Variants in DAB1 observed in about 807,000 individuals in gnomAD.
The protein encoded by DAB1 is disabled homolog 1.
In DAB1, 15 loss-of-function variants were observed where a neutral mutation model predicts 64.6. That is an observed-to-expected ratio of 0.23 (90% CI 0.16 to 0.36). The LOEUF (loss-of-function observed/expected upper bound fraction) is 0.36, where lower values mean the gene tolerates loss of function less well. Among genes scored for constraint, DAB1 ranks in the 10% least tolerant of loss-of-function variants. The pLI, the probability that DAB1 is intolerant of heterozygous loss-of-function variation, is 1.00. For synonymous variants in DAB1, 235 were observed against 251.9 expected (o/e 0.93, Z 0.64); for missense variants, 596 against 706.7 (o/e 0.84, Z 1.78).
intron 2 of DAB1, among the ~76,000 whole-genome samples, chr1:57,285,999 G>C (rs1430949796): frequency 3.3e-5 from 5 of 152,098 alleles, no homozygotes; most frequent in African/African-American, 1.2e-4. Flanking sequence ...TTCTGGAATG[G>C]GCACCATTTG....
intron 6 of DAB1, among the ~76,000 whole-genome samples, chr1:57,702,094 A>C (rs1388086486): frequency 1.3e-5 from 2 of 151,988 alleles, no homozygotes; most frequent in Non-Finnish European, 2.9e-5. Flanking sequence ...GCACTGATGG[A>C]TTAGTTATTT....
At chr1:57,587,240 C>T (rs1292269222) in intron 7 of DAB1, among the ~76,000 whole-genome samples, 1 of 152,196 alleles carries the variant, frequency 6.6e-6, no homozygotes, top group Non-Finnish European at 1.5e-5. Context: ...ATTCTTCCAT[C>T]AGATAATGTC....
intron 2 of DAB1, among the ~76,000 whole-genome samples, chr1:57,157,950 G>C (rs1043362971): frequency 6.6e-6 from 1 of 152,158 alleles, no homozygotes; most frequent in Non-Finnish European, 1.5e-5. Context: ...TGAAGTCATT[G>C]GTGCGAGGCC....
At chr1:58,480,914 T>C (rs772275365) in intron 3 of DAB1, 2 of 765,814 alleles carry the variant, frequency 2.6e-6, no homozygotes, top group South Asian at 3.4e-5. Context: ...TAACATAAAA[T>C]GATAAGGACT....
chr1:57,434,296 T>C (rs1315882965), intron 7 of DAB1, among the ~76,000 whole-genome samples: 1 of 152,198 alleles, frequency 6.6e-6, no homozygotes, highest in Non-Finnish European at 1.5e-5. Flanking sequence ...TGGAATATTA[T>C]TAAGCAAGAA....
intron 5 of DAB1, among the ~76,000 whole-genome samples, chr1:58,063,085 C>A (rs538924015): frequency 6.6e-6 from 1 of 152,318 alleles, no homozygotes; most frequent in East Asian, 1.9e-4. Context: ...TCCTCACTAC[C>A]TGGGGCTCTC....
intron 4 of DAB1, among the ~76,000 whole-genome samples, chr1:58,314,214 A>G (rs1024749375): frequency 6.6e-6 from 1 of 152,068 alleles, no homozygotes. Flanking sequence ...CCTTTGTCTC[A>G]TGCCCATACA....
chr1:57,120,164 T>TC, intron 4 of DAB1, among the ~76,000 whole-genome samples: 1 of 152,314 alleles, frequency 6.6e-6, no homozygotes, highest in East Asian at 1.9e-4. Flanking sequence ...AAAACTGACT[T>TC]CAACATCTAC....
upstream of DAB1, among the ~76,000 whole-genome samples, chr1:57,885,109 AG>A (rs370074583): frequency 2.6e-4 from 39 of 152,366 alleles, no homozygotes; most frequent in East Asian, 4.0e-3. Context: ...GATCAAGGAC[AG>A]AGCTAATCAC....
At chr1:57,203,279 G>A (rs185202627) in intron 2 of DAB1, among the ~76,000 whole-genome samples, 7 of 152,066 alleles carry the variant, frequency 4.6e-5, no homozygotes, top group African/African-American at 1.7e-4. Context: ...CCTCTCACTT[G>A]TCATTTTTCT....
At chr1:57,952,562 G>C (rs1426840807) in intron 5 of DAB1, among the ~76,000 whole-genome samples, 1 of 152,146 alleles carries the variant, frequency 6.6e-6, no homozygotes, top group Non-Finnish European at 1.5e-5. Flanking sequence ...GGGTATTTGA[G>C]AGTAATAGGT....
rs79232054 is a variant in DAB1 at position 57,194,868 on chromosome 1, C to G, written c.68-49439G>C. 4.7e-3 allele frequency among the ~76,000 whole-genome samples: 709 copies of G among 152,284 alleles called. 17 individuals are homozygous for G. Among genetic ancestry groups the G allele is most frequent in the East Asian group, 0.019 (96 of 5,184 alleles). Reference sequence around the variant, plus strand: ...CATTGCTGGCCACAGCAATCAGACACGAGAATGCAACCAACACAGCATCCT... The same window carrying G: ...CATTGCTGGCCACAGCAATCAGACAGGAGAATGCAACCAACACAGCATCCT... On this transcript the variant is annotated intron_variant, in intron 2 of 14. Coordinates refer to ENST00000371236, the MANE Select transcript of DAB1 (RefSeq NM_001365792.1).
chr1:57,925,691 G>A (rs185339982), intron 5 of DAB1, among the ~76,000 whole-genome samples: 136 of 152,218 alleles, frequency 8.9e-4, no homozygotes, highest in African/African-American at 3.0e-3. Context: ...GCCCAAAGAC[G>A]GAAAATGACT....
At chr1:58,472,518 A>G (rs1426635848) in intron 3 of DAB1, among the ~76,000 whole-genome samples, 1 of 152,194 alleles carries the variant, frequency 6.6e-6, no homozygotes, top group African/African-American at 2.4e-5. Flanking sequence ...GTTCCCTTCA[A>G]GTGAGTCAGT....
chr1:58,465,966 G>T (rs1025381122), intron 3 of DAB1, among the ~76,000 whole-genome samples: 1 of 152,182 alleles, frequency 6.6e-6, no homozygotes, highest in Admixed American at 6.5e-5. Context: ...AGGGGCTGAA[G>T]CAGAAGCCAG....
At chr1:57,869,293 G>A (rs1264659588) in intron 1 of DAB1, among the ~76,000 whole-genome samples, 1 of 152,102 alleles carries the variant, frequency 6.6e-6, no homozygotes, top group African/African-American at 2.4e-5. Context: ...TTAGGAATGA[G>A]TAGCTGTTAT....
chr1:57,916,453 C>G (rs1644728379), intron 5 of DAB1, among the ~76,000 whole-genome samples: 1 of 152,238 alleles, frequency 6.6e-6, no homozygotes, highest in Non-Finnish European at 1.5e-5. Flanking sequence ...ACATTTCAAT[C>G]TTTCCAAATT....
intron 4 of DAB1, among the ~76,000 whole-genome samples, chr1:58,158,232 C>G (rs1338832490): frequency 6.6e-6 from 1 of 152,118 alleles, no homozygotes; most frequent in Admixed American, 6.6e-5. Context: ...AATTCTCCAG[C>G]CTGCAAGGGG....
intron 4 of DAB1, among the ~76,000 whole-genome samples, chr1:58,169,125 G>C (rs1401011166): frequency 1.3e-5 from 2 of 152,174 alleles, no homozygotes; most frequent in South Asian, 2.1e-4. Flanking sequence ...GGCCAGAGGT[G>C]TTTCTGCTGC....
Sources: allele counts gnomAD v4.1 joint callset (sites outside exome capture counted in the v4.1 genomes callset), GRCh38; gene constraint gnomAD v4.1.1; transcripts MANE v1.5; gene names NCBI Gene and HGNC (gene_info 2026-07-23, HGNC 2026-07-21).